The following CDH13 variants were observed in gnomAD, a reference collection of about 807,000 sequenced individuals.
CDH13 encodes the protein cadherin 13.
A neutral mutation model predicts 63.8 loss-of-function variants in CDH13; 24 were observed. The observed-to-expected ratio is 0.38, with a 90% CI of 0.27 to 0.53. The LOEUF (loss-of-function observed/expected upper bound fraction) is 0.53, where lower values mean the gene tolerates loss of function less well. Among genes scored for constraint, CDH13 ranks in the 20% least tolerant of loss-of-function variants. CDH13 has a pLI of 0.85. For synonymous variants in CDH13, 503 were observed against 355.3 expected, an observed-to-expected ratio of 1.42 and a Z score of -4.67; for missense variants, 1,049 against 903.1, an observed-to-expected ratio of 1.16 and a Z score of -2.07.
intron 7 of CDH13, among the ~76,000 whole-genome samples, chr16:83,570,967 AT>A (rs1904563039): frequency 7.6e-6 from 1 of 132,290 alleles, no homozygotes; most frequent in Non-Finnish European, 1.6e-5. Flanking sequence ...ATATATATAT[AT>A]ATAAAAACCT....
At chr16:83,053,121 C>T (rs1042793425) in intron 3 of CDH13, among the ~76,000 whole-genome samples, 1 of 152,074 alleles carries the variant, frequency 6.6e-6, no homozygotes, top group African/African-American at 2.4e-5. Flanking sequence ...ATGTGAGGCT[C>T]TTAGAAAGAT....
At chr16:82,844,832 T>C (rs1179392192) in intron 1 of CDH13, 2 of 150,832 alleles carry the variant, frequency 1.3e-5, no homozygotes, top group Non-Finnish European at 3.0e-5. Flanking sequence ...TTTTTTTGTA[T>C]CTTTAGTGGA....
chr16:83,744,503 G>A (rs962260285), intron 10 of CDH13, among the ~76,000 whole-genome samples: 1 of 151,968 alleles, frequency 6.6e-6, no homozygotes, highest in Non-Finnish European at 1.5e-5. Context: ...GAAGCCCTGC[G>A]TTCGCCTCAT....
intron 8 of CDH13, among the ~76,000 whole-genome samples, chr16:83,620,310 G>C (rs1326219378): frequency 6.9e-6 from 1 of 145,024 alleles, no homozygotes; most frequent in African/African-American, 2.5e-5. Flanking sequence ...AGAATTGTTT[G>C]AACCCAGGAG....
intron 1 of CDH13, among the ~76,000 whole-genome samples, chr16:82,735,679 T>A (rs2033636281): frequency 6.6e-6 from 1 of 152,188 alleles, no homozygotes; most frequent in South Asian, 2.1e-4. Flanking sequence ...TTAAATGGAT[T>A]CCAGCTTCAT....
At chr16:82,718,584 A>C (rs370651474) in intron 1 of CDH13, among the ~76,000 whole-genome samples, 3 of 152,310 alleles carry the variant, frequency 2.0e-5, no homozygotes, top group Admixed American at 6.5e-5. Flanking sequence ...ATAAAGATAT[A>C]TCTAAGACTG....
chr16:83,212,498 T>A (rs2039368862), intron 4 of CDH13, among the ~76,000 whole-genome samples: 1 of 152,212 alleles, frequency 6.6e-6, no homozygotes, highest in South Asian at 2.1e-4. Flanking sequence ...AGATGTTGCA[T>A]CTAGTGACTT....
intron 2 of CDH13, among the ~76,000 whole-genome samples, chr16:82,984,375 T>A (rs1254154927): frequency 6.6e-6 from 1 of 152,234 alleles, no homozygotes; most frequent in Non-Finnish European, 1.5e-5. Context: ...TAAGACAATG[T>A]ACCTCCGAAT....
intron 4 of CDH13, among the ~76,000 whole-genome samples, chr16:83,211,845 T>C (rs1206065770): frequency 6.6e-6 from 1 of 152,004 alleles, no homozygotes; most frequent in Non-Finnish European, 1.5e-5. Flanking sequence ...TTCCAGAGTG[T>C]TGACACCAGG....
intron 6 of CDH13, among the ~76,000 whole-genome samples, chr16:83,423,494 A>T (rs1045534980): frequency 2.0e-4 from 23 of 112,740 alleles, no homozygotes; most frequent in South Asian, 4.9e-4. Context: ...GACAGCATTT[A>T]AAAAAAAAAA....
chr16:82,794,991 G>A (rs1019690606), intron 1 of CDH13, among the ~76,000 whole-genome samples: 33 of 152,194 alleles, frequency 2.2e-4, no homozygotes, highest in Non-Finnish European at 4.4e-4. Flanking sequence ...AGATTCTGAA[G>A]AGAAGCAGGC....
intron 2 of CDH13, among the ~76,000 whole-genome samples, chr16:82,887,682 G>A (rs1422299904): frequency 6.6e-6 from 1 of 152,168 alleles, no homozygotes; most frequent in Non-Finnish European, 1.5e-5. Context: ...TTAGCTGGGC[G>A]TGGTGGTGCA....
chr16:83,189,147 C>T (rs74031453), intron 4 of CDH13, among the ~76,000 whole-genome samples: 140 of 151,656 alleles, frequency 9.2e-4, no homozygotes, highest in African/African-American at 3.3e-3. Flanking sequence ...AAGGCAAAAG[C>T]GGTCACTTTG....
chr16:83,039,645 T>C (rs1233514311), intron 3 of CDH13, among the ~76,000 whole-genome samples: 2 of 152,194 alleles, frequency 1.3e-5, no homozygotes, highest in Non-Finnish European at 2.9e-5. Context: ...CACCACTCTA[T>C]CCTCAGCACC....
At chr16:83,428,280 A>C (rs2071977561) in intron 6 of CDH13, among the ~76,000 whole-genome samples, 1 of 152,222 alleles carries the variant, frequency 6.6e-6, no homozygotes, top group Non-Finnish European at 1.5e-5. Context: ...CAGCAAAAAC[A>C]GTGAACTAGC....
At chr16:83,490,945 C>T (rs1044780829) in intron 7 of CDH13, among the ~76,000 whole-genome samples, 1 of 152,154 alleles carries the variant, frequency 6.6e-6, no homozygotes, top group African/African-American at 2.4e-5. Flanking sequence ...TTCCCATTGC[C>T]AAATATAGCA....
intron 6 of CDH13, among the ~76,000 whole-genome samples, chr16:83,413,537 A>G (rs1266073041): frequency 1.3e-5 from 2 of 152,198 alleles, no homozygotes; most frequent in Non-Finnish European, 2.9e-5. Flanking sequence ...CCAACTAGAG[A>G]TCGGGGTGTA....
intron 3 of CDH13, among the ~76,000 whole-genome samples, chr16:83,050,621 A>C (rs2030207006): frequency 6.6e-6 from 1 of 152,070 alleles, no homozygotes. Flanking sequence ...CCAACCTAGC[A>C]GCTTTAAAGA....
At chr16:82,820,935 A>G (rs1014860859) in intron 1 of CDH13, among the ~76,000 whole-genome samples, 3 of 152,134 alleles carry the variant, frequency 2.0e-5, no homozygotes, top group Admixed American at 2.0e-4. Context: ...TGGCCCGGTA[A>G]GTCTGTGGGA....
Sources: allele counts gnomAD v4.1 joint callset (sites outside exome capture counted in the v4.1 genomes callset), GRCh38; gene constraint gnomAD v4.1.1; transcripts MANE v1.5; gene names NCBI Gene and HGNC (gene_info 2026-07-23, HGNC 2026-07-21).